The following MGST2 variants were observed in gnomAD, a reference collection of about 807,000 sequenced individuals.
MGST2 encodes the protein microsomal glutathione S-transferase 2, also known as glutathione peroxidase MGST2.
In MGST2, 9 loss-of-function variants were observed where a neutral mutation model predicts 16.6. That is an observed-to-expected ratio of 0.54 (90% confidence interval 0.33 to 0.95). MGST2 has a LOEUF of 0.95. Ranked by LOEUF, MGST2 falls within the 40% of genes least tolerant of loss-of-function variation. The pLI is 0.03. For synonymous variants in MGST2, 79 were observed against 68.0 expected, an observed-to-expected ratio of 1.16 and a Z score of -0.79; for missense variants, 159 against 175.1, an observed-to-expected ratio of 0.91 and a Z score of 0.52.
At chr4:139,708,465 G>A (rs1183455167), downstream of MGST2, among the ~76,000 whole-genome samples, 2 of 152,254 alleles carry the variant, frequency 1.3e-5, no homozygotes, top group East Asian at 3.9e-4. Flanking sequence ...GTTGACTGTA[G>A]CCTTGTAGTA....
chr4:139,747,866 C>A, the MGST2 span, among the ~76,000 whole-genome samples: 1 of 151,650 alleles, frequency 6.6e-6, no homozygotes, highest in Non-Finnish European at 1.5e-5. Flanking sequence ...CAAGCCTGAT[C>A]GATACAGTGA....
Position 139,691,679 on chromosome 4 carries a change from G to T in MGST2, c.159-3518G>T, listed in dbSNP as rs61107391. The stretch of plus-strand genomic sequence containing the variant: ...CCACTGGCAGTCAGATGATGATGAT[G>T]ATGATGATGATGATGATGATTATTA... On this transcript the variant is annotated intron_variant, in intron 2 of 4. Transcript: ENST00000265498. Among the ~76,000 whole-genome samples the T allele has an allele frequency of 4.0e-3, 535 of 134,020 alleles. 4 individuals are homozygous for T. Among genetic ancestry groups the T allele is most frequent in the African/African-American group, 0.015 (500 of 33,672 alleles). The allele number at this position is 134,020 out of a possible 152,430, so 87.9% of individuals were successfully genotyped here.
chr4:139,743,712 CAG>C (rs1191223477), downstream of MGST2, among the ~76,000 whole-genome samples: 3 of 152,124 alleles, frequency 2.0e-5, no homozygotes, highest in Admixed American at 1.3e-4. Flanking sequence ...CTTAGGTTCT[CAG>C]GGGATAATTT....
downstream of MGST2, among the ~76,000 whole-genome samples, chr4:139,707,619 A>G (rs1727570731): frequency 6.6e-6 from 1 of 150,856 alleles, no homozygotes; most frequent in Non-Finnish European, 1.5e-5. Flanking sequence ...TAGATCCCTG[A>G]GGAATCGCCA....
intron 5 of MGST2, among the ~76,000 whole-genome samples, chr4:139,724,608 T>A (rs1223296631): frequency 1.3e-5 from 2 of 152,166 alleles, no homozygotes; most frequent in Non-Finnish European, 2.9e-5. Context: ...AATAGGTAAC[T>A]TTTGAGAAGC....
At chr4:139,682,109 T>C (rs939034186) in intron 2 of MGST2, among the ~76,000 whole-genome samples, 53 of 151,888 alleles carry the variant, frequency 3.5e-4, no homozygotes, top group African/African-American at 1.2e-3. Context: ...GGTTGGAGGA[T>C]TGGTTGAGCC....
chr4:139,702,800 G>A (rs999371014), intron 3 of MGST2, among the ~76,000 whole-genome samples: 2 of 128,268 alleles, frequency 1.6e-5, no homozygotes, highest in African/African-American at 2.7e-5. Flanking sequence ...TGATGTGTGC[G>A]GATTCCAGTT....
intron 2 of MGST2, among the ~76,000 whole-genome samples, chr4:139,691,209 AC>A (rs1726561451): frequency 6.6e-6 from 1 of 151,918 alleles, no homozygotes; most frequent in Non-Finnish European, 1.5e-5. Context: ...AATCAACTCT[AC>A]CCCCTGTTCT....
chr4:139,675,834 T>C (rs1276116363), intron 1 of MGST2, among the ~76,000 whole-genome samples: 2 of 152,336 alleles, frequency 1.3e-5, no homozygotes, highest in South Asian at 2.1e-4. Context: ...GTAGACATTT[T>C]GGTGTCGTAA....
chr4:139,752,694 C>T, the MGST2 span, among the ~76,000 whole-genome samples: 2 of 152,036 alleles, frequency 1.3e-5, no homozygotes, highest in Non-Finnish European at 2.9e-5. Context: ...CCCGAGAGAG[C>T]ATGTGTACAG....
intron 1 of MGST2, among the ~76,000 whole-genome samples, chr4:139,677,567 T>A (rs1360358348): frequency 6.6e-6 from 1 of 151,934 alleles, no homozygotes; most frequent in South Asian, 2.1e-4. Context: ...AATGGCATGA[T>A]CTCGGCTCAC....
intron 5 of MGST2, chr4:139,719,785 G>A (rs1315227298): frequency 1.2e-6 from 2 of 1,613,558 alleles, no homozygotes; most frequent in Non-Finnish European, 1.7e-6. Context: ...GGTAGCTGGC[G>A]CCATTGTTGA....
In MGST2 at chr4:139,698,577, C is replaced by T. The variant is rs375857898; in HGVS notation, c.229+3310C>T. On this transcript the variant is annotated intron_variant, in intron 3 of 4. Coordinates refer to ENST00000265498, the MANE Select transcript of MGST2 (RefSeq NM_002413.5). ...CATGGTACAGAGACCTCCTTACTTA[C>T]CCCCCTTCTCCTTCGGCTGGAGCTC... 1.1e-4 allele frequency: 86 copies of T among 773,480 alleles called. 1 individual carries two copies. The South Asian group carries it at 1.3e-3, about 12-fold the overall frequency. The allele number at this position is 773,480 out of a possible 1,614,324, so 47.9% of individuals were successfully genotyped here.
chr4:139,704,937 A>G (rs1360421470), downstream of MGST2, among the ~76,000 whole-genome samples: 1 of 152,206 alleles, frequency 6.6e-6, no homozygotes, highest in Non-Finnish European at 1.5e-5. Flanking sequence ...AAACCCAAAG[A>G]AAAACAAAAA....
At chr4:139,699,676 G>C (rs2110893245) in intron 3 of MGST2, among the ~76,000 whole-genome samples, 1 of 152,266 alleles carries the variant, frequency 6.6e-6, no homozygotes. Context: ...TCAAACCCAT[G>C]TTGTTCAAGG....
chr4:139,743,263 G>C (rs1729220381), downstream of MGST2, among the ~76,000 whole-genome samples: 2 of 152,344 alleles, frequency 1.3e-5, no homozygotes, highest in South Asian at 4.1e-4. Context: ...GAACAGGAGG[G>C]GCAGGGTGAT....
At chr4:139,731,805 T>C (rs1443595706) in intron 5 of MGST2, among the ~76,000 whole-genome samples, 8 of 152,166 alleles carry the variant, frequency 5.3e-5, no homozygotes, top group African/African-American at 1.4e-4. Flanking sequence ...ACATGGAGAA[T>C]GTGCTCAAAG....
At chr4:139,745,898 T>A in the MGST2 span, among the ~76,000 whole-genome samples, 1 of 152,216 alleles carries the variant, frequency 6.6e-6, no homozygotes. Context: ...TAACAGGAAA[T>A]GTGACCACAA....
chr4:139,684,224 C>T (rs1731426698), intron 2 of MGST2, among the ~76,000 whole-genome samples: 1 of 152,172 alleles, frequency 6.6e-6, no homozygotes, highest in Admixed American at 6.5e-5. Context: ...CCGTACCCGG[C>T]CTAAAACCAT....
Sources: gnomAD v4.1 joint callset for allele counts (sites outside exome capture counted in the v4.1 genomes callset) on GRCh38, gnomAD v4.1.1 for gene constraint, MANE v1.5 for transcripts, NCBI Gene and HGNC (gene_info 2026-07-23, HGNC 2026-07-21) for gene names.